PPP1R9A: variants seen among roughly 807,000 people sequenced by gnomAD.
PPP1R9A encodes the protein neurabin-1.
In PPP1R9A, 59 loss-of-function variants were observed where a neutral mutation model predicts 141.9. The observed-to-expected ratio is 0.42, with a 90% CI of 0.34 to 0.52. The LOEUF is 0.52. Among genes scored for constraint, PPP1R9A ranks in the 20% least tolerant of loss-of-function variants. PPP1R9A has a pLI of 0.10. For missense variants in PPP1R9A, 1,444 were observed against 1,611.9 expected, an observed-to-expected ratio of 0.90 and a Z score of 1.78; for synonymous variants, 500 against 569.7, an observed-to-expected ratio of 0.88 and a Z score of 1.74.
At chr7:95,246,257 T>G (rs1248004883) in intron 8 of PPP1R9A, among the ~76,000 whole-genome samples, 1 of 152,180 alleles carries the variant, frequency 6.6e-6, no homozygotes, top group Non-Finnish European at 1.5e-5. Context: ...TGCTGTGGTC[T>G]CCACAGGTTC....
At chr7:94,932,812 C>G (rs544872641) in intron 2 of PPP1R9A, among the ~76,000 whole-genome samples, 1 of 143,484 alleles carries the variant, frequency 7.0e-6, no homozygotes, top group African/African-American at 2.6e-5. Context: ...GGGTTTGAAC[C>G]CATCTTCATT....
intron 7 of PPP1R9A, among the ~76,000 whole-genome samples, chr7:95,224,781 ACAG>A (rs1794919335): frequency 1.3e-5 from 2 of 152,046 alleles, no homozygotes; most frequent in Non-Finnish European, 2.9e-5. Context: ...AGAAAAAAAA[ACAG>A]CAATCAGATG....
At chr7:95,245,033 A>G (rs554000369) in intron 8 of PPP1R9A, among the ~76,000 whole-genome samples, 3 of 152,318 alleles carry the variant, frequency 2.0e-5, no homozygotes, top group South Asian at 4.1e-4. Flanking sequence ...TGCTTGGCAC[A>G]TGGTTGAAAG....
intron 2 of PPP1R9A, among the ~76,000 whole-genome samples, chr7:94,999,080 A>G (rs1008830272): frequency 5.9e-5 from 9 of 152,104 alleles, no homozygotes; most frequent in Admixed American, 4.6e-4. Context: ...TTCCTCTTCA[A>G]TTGTTGTGTT....
Position 95,120,694 on chromosome 7 carries a change from T to G in PPP1R9A, c.1529-18T>G. 6.3e-7 allele frequency: 1 copy of G among 1,599,980 alleles called. No homozygotes were observed. Among genetic ancestry groups the G allele is most frequent in the Non-Finnish European group, 8.5e-7 (1 of 1,172,974 alleles). On this transcript the variant is annotated intron_variant, in intron 3 of 19. Transcript: ENST00000433360. Reference sequence around the variant, plus strand: ...AACTTAAGTTGTTTCACCTCCCCCCTTTTTTTCTTTTTAATAGATGAGGAT... The same window carrying G: ...AACTTAAGTTGTTTCACCTCCCCCCGTTTTTTCTTTTTAATAGATGAGGAT...
intron 2 of PPP1R9A, among the ~76,000 whole-genome samples, chr7:95,043,629 G>A (rs1372965972): frequency 2.6e-5 from 4 of 152,052 alleles, no homozygotes; most frequent in Admixed American, 6.6e-5. Flanking sequence ...GCATCTTTGC[G>A]GACAGCCCCC....
At chr7:95,016,284 C>G (rs1279370534) in intron 2 of PPP1R9A, among the ~76,000 whole-genome samples, 2 of 151,906 alleles carry the variant, frequency 1.3e-5, no homozygotes, top group East Asian at 3.9e-4. Flanking sequence ...TATAATAGTA[C>G]TACAGACATT....
chr7:95,195,202 T>A (rs1166018920), intron 5 of PPP1R9A, among the ~76,000 whole-genome samples: 1 of 151,512 alleles, frequency 6.6e-6, no homozygotes, highest in Non-Finnish European at 1.5e-5. Flanking sequence ...CATAAACACT[T>A]TAAGGAGAAA....
intron 2 of PPP1R9A, among the ~76,000 whole-genome samples, chr7:95,027,125 G>A (rs547916912): frequency 7.9e-5 from 12 of 152,178 alleles, no homozygotes; most frequent in South Asian, 4.1e-4. Flanking sequence ...AGGTGCCACC[G>A]GGGTATGAAA....
chr7:95,009,274 C>T (rs1804072230), intron 2 of PPP1R9A, among the ~76,000 whole-genome samples: 1 of 152,154 alleles, frequency 6.6e-6, no homozygotes, highest in Non-Finnish European at 1.5e-5. Context: ...ACGTTGTGCA[C>T]ATGTACACTA....
At chr7:95,077,337 A>G (rs1040616382) in intron 2 of PPP1R9A, among the ~76,000 whole-genome samples, 1 of 152,272 alleles carries the variant, frequency 6.6e-6, no homozygotes, top group East Asian at 1.9e-4. Flanking sequence ...AAAAATCAGT[A>G]GACTTTTACC....
chr7:95,080,145 A>G (rs1815567686), intron 2 of PPP1R9A, among the ~76,000 whole-genome samples: 1 of 152,184 alleles, frequency 6.6e-6, no homozygotes, highest in Admixed American at 6.5e-5. Flanking sequence ...AGGAAGTCAA[A>G]TTGTCCCTGT....
intron 2 of PPP1R9A, among the ~76,000 whole-genome samples, chr7:95,063,014 T>C (rs1812452739): frequency 1.3e-5 from 2 of 152,236 alleles, no homozygotes; most frequent in African/African-American, 4.8e-5. Flanking sequence ...GAAGCAGAGC[T>C]GAAAGTCTAA....
chr7:95,189,225 G>A (rs573958179), intron 5 of PPP1R9A, among the ~76,000 whole-genome samples: 4 of 151,970 alleles, frequency 2.6e-5, no homozygotes, highest in East Asian at 1.9e-4. Flanking sequence ...CTTTTGCCTC[G>A]CAGCTCTTAA....
At chr7:95,196,832 G>C (rs1055791909) in intron 5 of PPP1R9A, among the ~76,000 whole-genome samples, 3 of 152,084 alleles carry the variant, frequency 2.0e-5, no homozygotes, top group African/African-American at 7.2e-5. Context: ...CATTGGTGTG[G>C]TAATTACGCG....
At chr7:95,136,677 G>A (rs1825723504) in intron 4 of PPP1R9A, among the ~76,000 whole-genome samples, 1 of 152,156 alleles carries the variant, frequency 6.6e-6, no homozygotes, top group African/African-American at 2.4e-5. Flanking sequence ...TAACAAGTGT[G>A]TATCAGAAAT....
chr7:94,987,423 ATAG>A, intron 2 of PPP1R9A, among the ~76,000 whole-genome samples: 1 of 152,298 alleles, frequency 6.6e-6, no homozygotes, highest in East Asian at 1.9e-4. Context: ...ATCAAGTGTG[ATAG>A]TAGGAGAGGA....
chr7:95,039,199 A>G (rs2151888799), intron 2 of PPP1R9A, among the ~76,000 whole-genome samples: 1 of 152,318 alleles, frequency 6.6e-6, no homozygotes, highest in Non-Finnish European at 1.5e-5. Context: ...TAATATATTA[A>G]GGACTCTAAT....
intron 7 of PPP1R9A, among the ~76,000 whole-genome samples, chr7:95,213,718 A>G (rs1365168882): frequency 6.6e-6 from 1 of 152,156 alleles, no homozygotes; most frequent in Non-Finnish European, 1.5e-5. Context: ...CTGTAGACTT[A>G]ATTTTAAGAC....
Sources: gnomAD v4.1 joint callset for allele counts (sites outside exome capture counted in the v4.1 genomes callset) on GRCh38, gnomAD v4.1.1 for gene constraint, MANE v1.5 for transcripts, NCBI Gene and HGNC (gene_info 2026-07-23, HGNC 2026-07-21) for gene names.